RAB34: variants seen among roughly 807,000 people sequenced by gnomAD.
The protein encoded by RAB34 is RAB34, member RAS oncogene family, also known as ras-related protein Rab-34.
In RAB34, 33 loss-of-function variants were observed where a neutral mutation model predicts 39.0. The observed-to-expected ratio is 0.85, with a 90% CI of 0.64 to 1.13. The LOEUF is 1.13. RAB34 is among the 50% of genes most tolerant of loss of function. The pLI is 0.00. For synonymous variants in RAB34, 135 were observed against 125.1 expected (o/e 1.08, Z -0.53); for missense variants, 289 against 326.1 (o/e 0.89, Z 0.88).
In RAB34 at chr17:28,714,852, T is replaced by C; in HGVS notation, c.653A>G (p.Glu218Gly). Residue 218 changes from glutamate to glycine, a missense_variant, in exon 9 of 10, where the codon GAG (glutamate) becomes GGG (glycine). Glu to Gly is a moderately conservative substitution (Grantham distance 98). Transcript: ENST00000395245. ...FFFRVAALTFEANVLAELEKS... is the reference protein window; with the variant it reads ...FFFRVAALTFGANVLAELEKS... Reference sequence around the variant, plus strand: ...CTCCAGCTCAGCCAGCACATTGGCCTCAAAGGTCAGTGCTGCCACACGGAA... The same window carrying C: ...CTCCAGCTCAGCCAGCACATTGGCCCCAAAGGTCAGTGCTGCCACACGGAA... 1 of 1,614,070 alleles carries C rather than the reference T, an allele frequency of 6.2e-7. No individual in the cohort carries two copies. The highest frequency in any genetic ancestry group is 8.5e-7 in the Non-Finnish European group (1 of 1,180,024).
Position 28,715,091 on chromosome 17 carries a change from T to A in RAB34, c.545A>T (p.Asp182Val), listed in dbSNP as rs761523637. ...TPAQYALMEK[D>V]ALQVAQEMKA... ...CATCTCCTGGGCCACCTGGAGGGCG[T>A]CTTTCTCCATCAGCGCATACTGAGC... The change falls in exon 8 of 10, where the codon GAC becomes GTC. Residue 182 changes from aspartate (D) to valine (V), a missense_variant. By Grantham distance (152) the Asp-to-Val change is radical. Transcript: ENST00000395245. 5 of 1,613,938 alleles carry A rather than the reference T, an allele frequency of 3.1e-6. No individual in the cohort carries two copies.
rs951570085 is a variant in RAB34 at position 28,717,278 on chromosome 17, C to G, written c.-12G>C. The G allele has an allele frequency of 1.9e-6, 3 of 1,596,608 alleles. No homozygotes were observed. The African/African-American group carries it at 4.0e-5, about 21-fold the overall frequency. On this transcript the variant is annotated 5_prime_UTR_variant, in exon 1 of 10. Transcript: ENST00000395245. ...GCCAGAATGTTCATCCTGCCTGCGG[C>G]CTTGCAGGGCGCCCTGAGAAGGCGC...
chr17:28,714,682 G>C lies in RAB34; in HGVS notation c.741C>G (p.Tyr247Ter). 1 of 1,614,132 alleles carries C rather than the reference G, an allele frequency of 6.2e-7. No individual in the cohort carries two copies. Among genetic ancestry groups the C allele is most frequent in the Non-Finnish European group, 8.5e-7 (1 of 1,180,034 alleles). Reference protein sequence around the residue: ...VRINSDDSNLYLTASKKKPTC... With the variant: ...VRINSDDSNL ...TGGGCTTCTTCTTGCTGGCAGTTAG[G>C]TAGAGGTTGCTGTCATCACTGTTGA... The change falls in exon 10 of 10, where the codon TAC becomes TAG. Residue 247 changes from tyrosine to a stop codon, truncating the protein, a stop_gained. Transcript: ENST00000395245. LOFTEE classifies it high-confidence loss of function.
rs548365378 is a variant in RAB34, at chr17:28,717,433, C to T, written c.-167G>A. On this transcript the variant is annotated 5_prime_UTR_variant, in exon 1 of 10. Coordinates refer to ENST00000395245, the MANE Select transcript of RAB34 (RefSeq NM_031934.6). ...TCCGCGGTCTCGGAGACGCTACGACCACCGCGGGCCACGGAGATGAAACAA... is the reference window on the plus strand; with the variant it reads ...TCCGCGGTCTCGGAGACGCTACGACTACCGCGGGCCACGGAGATGAAACAA... 42 of 1,485,520 alleles carry T rather than the reference C, an allele frequency of 2.8e-5. No individual in the cohort carries two copies. In the East Asian group the frequency reaches 1.1e-3, roughly 37 times the overall value. The allele number at this position is 1,485,520 out of a possible 1,614,324, so 92.0% of individuals were successfully genotyped here.
In RAB34 at chr17:28,714,649, G is replaced by A; in HGVS notation, c.774C>T (p.Cys258=). The A allele has an allele frequency of 6.2e-7, 1 of 1,613,814 alleles. No individual in the cohort carries two copies. Among genetic ancestry groups the A allele is most frequent in the Non-Finnish European group, 8.5e-7 (1 of 1,179,706 alleles). ...TGAACAGTCTCCTCAGCCCTCATGG[G>A]CAACATGTGGGCTTCTTCTTGCTGG... ...LTASKKKPTC[C]P The change falls in exon 10 of 10, where the codon TGC becomes TGT. Residue 258 remains cysteine, a synonymous_variant. Coordinates refer to ENST00000395245, the MANE Select transcript of RAB34 (RefSeq NM_031934.6).
chr17:28,718,158 C>A (rs1205287488), upstream of RAB34: 1 of 1,610,202 alleles, frequency 6.2e-7, no homozygotes, highest in Admixed American at 1.7e-5. Context: ...GAGACTGCTG[C>A]GCAGCATCTG....
rs1463348362 is a variant in RAB34, at chr17:28,717,520, G to A, written c.-254C>T. 1.4e-6 allele frequency: 2 copies of A among 1,426,356 alleles called. No homozygotes were observed. Among genetic ancestry groups the A allele is most frequent in the Non-Finnish European group, 1.8e-6 (2 of 1,093,152 alleles). The allele number at this position is 1,426,356 out of a possible 1,614,324, so 88.4% of individuals were successfully genotyped here. A position where few individuals can be genotyped will look rare whatever the true frequency, so the allele number is the denominator to read the frequency against. ...CCCTGGGCGTCCCGAAGATGACTCT[G>A]GGGCGAGGAGACTCTTCGGCCGCCA... On this transcript the variant is annotated 5_prime_UTR_variant, in exon 1 of 10. Transcript: ENST00000395245.
In RAB34 at chr17:28,714,912, A is replaced by G; in HGVS notation, c.605-12T>C. ...TCGGACATTCTCACCTGACACAGAGAGCAGATAGGTGCTCAGGGGCAGTGC... is the reference window on the plus strand; with the variant it reads ...TCGGACATTCTCACCTGACACAGAGGGCAGATAGGTGCTCAGGGGCAGTGC... On this transcript the variant is annotated splice_polypyrimidine_tract_variant and intron_variant, in intron 8 of 9. Transcript: ENST00000395245. 1 of 1,611,980 alleles carries G rather than the reference A, an allele frequency of 6.2e-7. No homozygotes were observed. Among genetic ancestry groups the G allele is most frequent in the Non-Finnish European group, 8.5e-7 (1 of 1,178,208 alleles).
chr17:28,718,425 T>G, upstream of RAB34: 1 of 590,168 alleles, frequency 1.7e-6, no homozygotes, highest in Middle Eastern at 4.3e-4. Context: ...GCTGTGTAGA[T>G]TGTGAGGTGG....
upstream of RAB34, chr17:28,717,957 C>A (rs1227370465): frequency 7.9e-7 from 1 of 1,272,132 alleles, no homozygotes. Flanking sequence ...TCGCCACCCC[C>A]TCCTCTCCAC....
chr17:28,715,396 C>A, intron 6 of RAB34, 60 bp downstream of exon 6: 2 of 1,606,818 alleles, frequency 1.2e-6, no homozygotes, highest in Non-Finnish European at 1.7e-6. Flanking sequence ...CCTGACCACC[C>A]CTCTGTTCTG....
intron 1 of RAB34, 26 bp downstream of exon 1, chr17:28,717,187 A>C (rs1482035512): frequency 4.4e-6 from 7 of 1,587,998 alleles, no homozygotes; most frequent in Non-Finnish European, 6.0e-6. Context: ...CTGTAGACTG[A>C]AGCCCGACGT....
Position 28,717,747 on chromosome 17 carries a change from C to A in RAB34, c.-481G>T. ...GGGGGCGCGGAGCGGCCCCGCCACA[C>A]GGGGTCAGTGTGGGCAGGGGCGGCG... On this transcript the variant is annotated 5_prime_UTR_variant, in exon 1 of 10. Coordinates refer to ENST00000395245, the MANE Select transcript of RAB34 (RefSeq NM_031934.6). 3 of 1,328,350 alleles carry A rather than the reference C, an allele frequency of 2.3e-6. No individual in the cohort carries two copies. The highest frequency in any genetic ancestry group is 4.3e-5 in the South Asian group (2 of 46,336). The allele number at this position is 1,328,350 out of a possible 1,614,324, so 82.3% of individuals were successfully genotyped here. A position where few individuals can be genotyped will look rare whatever the true frequency, so the allele number is the denominator to read the frequency against.
chr17:28,715,532 C>A, intron 5 of RAB34, 25 bp from the exon 6 acceptor site: 3 of 1,614,144 alleles, frequency 1.9e-6, no homozygotes, highest in Non-Finnish European at 2.5e-6. Flanking sequence ...GAAACAGCCC[C>A]AGGTTGACAG....
chr17:28,716,914 T>C lies in RAB34; in HGVS notation c.135A>G (p.Thr45=), dbSNP rs1334034774. The C allele has an allele frequency of 6.2e-7, 1 of 1,612,900 alleles. No homozygotes were observed. The highest frequency in any genetic ancestry group is 8.5e-7 in the Non-Finnish European group (1 of 1,179,692). ...RVTCACQEHR[T]GTVGFKISKV... ...TGTCCCTAACTCACCCCACGGTGCCTGTCCGGTGCTCCTGGCAGGCGCAGG... is the reference window on the plus strand; with the variant it reads ...TGTCCCTAACTCACCCCACGGTGCCCGTCCGGTGCTCCTGGCAGGCGCAGG... The change falls in exon 2 of 10, where the codon ACA becomes ACG. Residue 45 remains threonine (T), a synonymous_variant. Transcript: ENST00000395245.
At position 28,714,822 on chromosome 17, in the gene RAB34, G is replaced by A. The variant is rs376343488; in HGVS notation, c.683C>T (p.Ser228Leu). The change falls in exon 9 of 10, where the codon TCG (serine) becomes TTG (leucine). Residue 228 changes from serine to leucine, a missense_variant. Coordinates refer to ENST00000395245, the MANE Select transcript of RAB34 (RefSeq NM_031934.6). ...EANVLAELEKSGARRIGDVVR... is the reference protein window; with the variant it reads ...EANVLAELEKLGARRIGDVVR... ...AACATCCCCAATGCGTCGAGCCCCC[G>A]ATTTCTCCAGCTCAGCCAGCACATT... 7.5e-5 allele frequency: 121 copies of A among 1,614,166 alleles called. 1 individual carries two copies. In the East Asian group the frequency reaches 8.9e-4, roughly 12 times the overall value.
At chr17:28,717,053 C>T (rs765541494) in intron 1 of RAB34, 59 bp from the exon 2 acceptor site, 19 of 1,594,664 alleles carry the variant, frequency 1.2e-5, no homozygotes, top group Non-Finnish European at 1.6e-5. Context: ...GTCCCGCAGC[C>T]AAGCGGCCCG....
In RAB34 at chr17:28,715,724, G is replaced by T; in HGVS notation, c.315-19C>A. On this transcript the variant is annotated intron_variant, in intron 4 of 9. Transcript: ENST00000395245. ...ATCCCAACTGGAAGGAAGGAAGAGT[G>T]AAGCACAGGTATGTATCTTGGGGGG... is the stretch of plus-strand genomic sequence containing the variant. 4 of 1,614,072 alleles carry T rather than the reference G, an allele frequency of 2.5e-6. No homozygotes were observed. The highest frequency in any genetic ancestry group is 3.4e-6 in the Non-Finnish European group (4 of 1,179,950).
At chr17:28,717,922 C>A, upstream of RAB34, 2 of 1,344,936 alleles carry the variant, frequency 1.5e-6, no homozygotes, top group Non-Finnish European at 1.9e-6. Context: ...CCTCTCCTGG[C>A]GGCTCCAGGC....
Sources: allele counts gnomAD v4.1 joint callset, GRCh38; gene constraint gnomAD v4.1.1; transcripts MANE v1.5; gene names NCBI Gene and HGNC (gene_info 2026-07-23, HGNC 2026-07-21).